CACNA2D3: variants seen among roughly 807,000 people sequenced by gnomAD.
The protein encoded by CACNA2D3 is voltage-dependent calcium channel subunit alpha-2/delta-3.
CACNA2D3 carries 60 observed loss-of-function variants against 160.6 expected under a neutral mutation model. The observed-to-expected ratio is 0.37, with a 90% confidence interval of 0.30 to 0.46. CACNA2D3 has a LOEUF of 0.46. Ranked by LOEUF, CACNA2D3 falls within the 20% of genes least tolerant of loss-of-function variation. The pLI, the probability that CACNA2D3 is intolerant of heterozygous loss-of-function variation, is 1.00. For synonymous variants in CACNA2D3, 558 were observed against 492.9 expected, an observed-to-expected ratio of 1.13 and a Z score of -1.75; for missense variants, 1,205 against 1,365.0, an observed-to-expected ratio of 0.88 and a Z score of 1.85.
At chr3:54,142,844 C>T (rs1699961409) in intron 2 of CACNA2D3, among the ~76,000 whole-genome samples, 1 of 152,116 alleles carries the variant, frequency 6.6e-6, no homozygotes, top group Non-Finnish European at 1.5e-5. Context: ...ACTCCAGTGC[C>T]TATGTCTGTA....
intron 5 of CACNA2D3, among the ~76,000 whole-genome samples, chr3:54,562,255 G>C (rs1057475591): frequency 1.4e-4 from 22 of 152,164 alleles, no homozygotes; most frequent in African/African-American, 5.3e-4. Context: ...CTTTCACAGA[G>C]ATCACATTCT....
intron 27 of CACNA2D3, among the ~76,000 whole-genome samples, chr3:54,900,973 C>T (rs1001381004): frequency 6.6e-6 from 1 of 152,148 alleles, no homozygotes; most frequent in African/African-American, 2.4e-5. Flanking sequence ...TGTATCTGAC[C>T]TGTGGCTCAT....
intron 2 of CACNA2D3, among the ~76,000 whole-genome samples, chr3:54,288,171 G>T (rs1054716282): frequency 1.3e-5 from 2 of 151,926 alleles, no homozygotes; most frequent in African/African-American, 2.4e-5. Flanking sequence ...TTGATAGACC[G>T]CTAGCAAGAC....
intron 31 of CACNA2D3, among the ~76,000 whole-genome samples, chr3:55,000,199 T>C (rs1702949570): frequency 6.6e-6 from 1 of 152,204 alleles, no homozygotes; most frequent in Admixed American, 6.5e-5. Flanking sequence ...GTTCTTTAAC[T>C]GTAATCAGCC....
intron 27 of CACNA2D3, among the ~76,000 whole-genome samples, chr3:54,908,743 C>A (rs1700497541): frequency 6.6e-6 from 1 of 152,118 alleles, no homozygotes; most frequent in African/African-American, 2.4e-5. Context: ...AGCAAAAAAT[C>A]TTGTGAGCTC....
At chr3:54,926,089 A>C (rs183530058) in intron 27 of CACNA2D3, among the ~76,000 whole-genome samples, 31 of 152,224 alleles carry the variant, frequency 2.0e-4, no homozygotes, top group Admixed American at 3.3e-4. Context: ...ACTTTGATTC[A>C]TGCCCAATTT....
At chr3:54,803,723 T>C (rs1002296871) in intron 13 of CACNA2D3, among the ~76,000 whole-genome samples, 29 of 152,148 alleles carry the variant, frequency 1.9e-4, no homozygotes, top group South Asian at 4.1e-4. Context: ...AGATACTCCT[T>C]GAGAAGAGCA....
rs115762232 is a variant in CACNA2D3 at position 54,412,349 on chromosome 3, A to C, written c.381+25575A>C. ...ACCTGTGGTATTAAAGTCTTCAAAT[A>C]TGATTGTGGATTTGTTTATCTGTTT... is the stretch of plus-strand genomic sequence containing the variant. On this transcript the variant is annotated intron_variant, in intron 4 of 37. Coordinates refer to ENST00000474759, the MANE Select transcript of CACNA2D3 (RefSeq NM_018398.3). Among the ~76,000 whole-genome samples the C allele has an allele frequency of 4.2e-3, 643 of 152,108 alleles. 4 individuals carry two copies. The highest frequency in any genetic ancestry group is 0.013 in the Admixed American group (194 of 15,280).
intron 2 of CACNA2D3, among the ~76,000 whole-genome samples, chr3:54,267,603 G>A (rs1195689229): frequency 6.6e-6 from 1 of 152,206 alleles, no homozygotes; most frequent in Non-Finnish European, 1.5e-5. Flanking sequence ...AGAGTTGGAT[G>A]TAAGTCTAAA....
intron 11 of CACNA2D3, among the ~76,000 whole-genome samples, chr3:54,663,527 G>A (rs1029007070): frequency 6.6e-6 from 1 of 152,204 alleles, no homozygotes; most frequent in African/African-American, 2.4e-5. Context: ...CACAAATGGG[G>A]TCTGGAATTG....
intron 27 of CACNA2D3, among the ~76,000 whole-genome samples, chr3:54,900,753 C>T (rs1222907675): frequency 6.6e-6 from 1 of 152,212 alleles, no homozygotes; most frequent in Non-Finnish European, 1.5e-5. Context: ...TGTCTTCACA[C>T]ACTGAATATT....
At chr3:54,463,793 G>A (rs994562776) in intron 4 of CACNA2D3, among the ~76,000 whole-genome samples, 5 of 152,218 alleles carry the variant, frequency 3.3e-5, no homozygotes, top group Admixed American at 1.3e-4. Flanking sequence ...TCTCCATCCA[G>A]CTTTGTTCCG....
chr3:55,015,221 C>A (rs911946756), intron 34 of CACNA2D3, among the ~76,000 whole-genome samples: 6 of 152,086 alleles, frequency 3.9e-5, no homozygotes, highest in African/African-American at 1.4e-4. Context: ...ATTGGCTGAA[C>A]TTCACAGAGC....
intron 18 of CACNA2D3, 54 bp downstream of exon 18, chr3:54,871,676 C>T (rs894579722): frequency 7.9e-6 from 11 of 1,386,136 alleles, no homozygotes; most frequent in Non-Finnish European, 1.0e-5. Flanking sequence ...GTACCCACTT[C>T]TGTACCTGGG....
At chr3:54,142,505 G>A (rs901183145) in intron 2 of CACNA2D3, among the ~76,000 whole-genome samples, 1 of 151,976 alleles carries the variant, frequency 6.6e-6, no homozygotes, top group Non-Finnish European at 1.5e-5. Context: ...AGTATCCGTG[G>A]GCCCTTTCCT....
intron 4 of CACNA2D3, among the ~76,000 whole-genome samples, chr3:54,451,681 G>A (rs1700311435): frequency 6.6e-6 from 1 of 152,128 alleles, no homozygotes; most frequent in Non-Finnish European, 1.5e-5. Context: ...ATCACGAAGT[G>A]TGGATTTCTT....
chr3:54,409,495 A>C (rs555546898), intron 4 of CACNA2D3, among the ~76,000 whole-genome samples: 2 of 152,314 alleles, frequency 1.3e-5, no homozygotes, highest in South Asian at 4.1e-4. Context: ...CTAAGTGTTC[A>C]AGCGAAAGGA....
At chr3:54,235,038 C>G (rs1701847884) in intron 2 of CACNA2D3, among the ~76,000 whole-genome samples, 1 of 152,090 alleles carries the variant, frequency 6.6e-6, no homozygotes, top group South Asian at 2.1e-4. Flanking sequence ...TCCCGTCTTC[C>G]AGATCTTGGT....
intron 15 of CACNA2D3, among the ~76,000 whole-genome samples, chr3:54,837,682 A>G (rs990241306): frequency 1.7e-4 from 26 of 152,156 alleles, no homozygotes; most frequent in African/African-American, 6.0e-4. Flanking sequence ...GTTCTAGGGA[A>G]GAATTTCTCC....
Sources: allele counts gnomAD v4.1 joint callset (sites outside exome capture counted in the v4.1 genomes callset), GRCh38; gene constraint gnomAD v4.1.1; transcripts MANE v1.5; gene names NCBI Gene and HGNC (gene_info 2026-07-23, HGNC 2026-07-21).